Variants in CTSS observed in about 807,000 individuals in gnomAD.
CTSS encodes the protein cathepsin S.
In CTSS, 15 loss-of-function variants were observed where a neutral mutation model predicts 39.9. That is an observed-to-expected ratio of 0.38 (90% confidence interval 0.25 to 0.58). The LOEUF (loss-of-function observed/expected upper bound fraction) is 0.58. Ranked by LOEUF, CTSS falls within the 20% of genes least tolerant of loss-of-function variation. The pLI is 0.70. For missense variants in CTSS, 250 were observed against 398.2 expected, an observed-to-expected ratio of 0.63 and a Z score of 3.17; for synonymous variants, 126 against 138.2, an observed-to-expected ratio of 0.91 and a Z score of 0.62.
chr1:150,752,397 C>T (rs1653026220), intron 4 of CTSS, among the ~76,000 whole-genome samples: 1 of 152,174 alleles, frequency 6.6e-6, no homozygotes, highest in Non-Finnish European at 1.5e-5. Flanking sequence ...AATACCCTTT[C>T]TCCTGTCATA....
chr1:150,756,765 G>A (rs1653139455), intron 3 of CTSS, among the ~76,000 whole-genome samples: 1 of 141,470 alleles, frequency 7.1e-6, no homozygotes, highest in Admixed American at 7.6e-5. Context: ...TGCCCAGGCT[G>A]GAGTGCAATG....
Position 150,754,932 on chromosome 1 carries a change from T to C in CTSS, c.399+69A>G. On this transcript the variant is annotated intron_variant, in intron 4 of 7. Transcript: ENST00000368985. The stretch of plus-strand genomic sequence containing the variant: ...TGGGACTGTAAGATTCACTGTCAAA[T>C]TCTGTAGCTAGACTAAGCATTTAAA... The C allele has an allele frequency of 2.7e-6, 4 of 1,494,238 alleles. No individual in the cohort carries two copies. The Admixed American group carries it at 8.4e-5, about 31-fold the overall frequency. The allele number at this position is 1,494,238 out of a possible 1,614,324, so 92.6% of individuals were successfully genotyped here.
At chr1:150,755,285 C>T (rs930362725) in intron 3 of CTSS, 135 bp from the exon 4 acceptor site, 4 of 921,696 alleles carry the variant, frequency 4.3e-6, no homozygotes, top group Admixed American at 4.4e-5. Context: ...TTGGCTCCTA[C>T]ATACCTAGGC....
chr1:150,757,820 C>A, intron 3 of CTSS, 38 bp downstream of exon 3: 2 of 1,599,710 alleles, frequency 1.3e-6, no homozygotes, highest in Non-Finnish European at 1.7e-6. Flanking sequence ...ATGATATTTA[C>A]CCAGACGTGA....
In CTSS at chr1:150,730,879, A is replaced by C. The variant is rs587594366; in HGVS notation, c.*2167T>G. 9 of 131,392 alleles carry C rather than the reference A, an allele frequency of 6.8e-5. No homozygotes were observed. The highest frequency in any genetic ancestry group is 2.3e-4 in the African/African-American group (9 of 38,704). The allele number at this position is 131,392 out of a possible 1,614,324, so 8.1% of individuals were successfully genotyped here. On this transcript the variant is annotated 3_prime_UTR_variant, in exon 8 of 8. Coordinates refer to ENST00000368985, the MANE Select transcript of CTSS (RefSeq NM_004079.5). ...TTAATGCATTTATAAAGAAGCATGCATATTAATATATAACAAACTTATCTT... is the reference window on the plus strand; with the variant it reads ...TTAATGCATTTATAAAGAAGCATGCCTATTAATATATAACAAACTTATCTT...
At chr1:150,733,206 T>G in intron 7 of CTSS, 61 bp from the exon 8 acceptor site, 2 of 1,270,566 alleles carry the variant, frequency 1.6e-6, no homozygotes, top group South Asian at 2.5e-5. Context: ...GTTATCAACT[T>G]TTTATCTCAT....
At chr1:150,749,937 C>T (rs1371169729) in intron 6 of CTSS, 69 bp downstream of exon 6, 3 of 1,357,594 alleles carry the variant, frequency 2.2e-6, no homozygotes, top group Non-Finnish European at 3.0e-6. Flanking sequence ...CAGGCATGAA[C>T]CACCGTGCTC....
chr1:150,760,357 A>G (rs2101926541), intron 2 of CTSS, among the ~76,000 whole-genome samples: 1 of 152,336 alleles, frequency 6.6e-6, no homozygotes, highest in East Asian at 1.9e-4. Flanking sequence ...AATGTTCCTC[A>G]ACACAAATAG....
chr1:150,747,946 G>T, intron 6 of CTSS, 67 bp from the exon 7 acceptor site: 1 of 1,071,026 alleles, frequency 9.3e-7, no homozygotes, highest in Non-Finnish European at 1.4e-6. Flanking sequence ...ATTTTAAAAC[G>T]GTATTACTTT....
rs587711364 is a variant in CTSS, at chr1:150,743,019, C to T, written c.896+4758G>A. Among the ~76,000 whole-genome samples the T allele has an allele frequency of 3.3e-5, 5 of 152,062 alleles. No individual in the cohort carries two copies. In the East Asian group the frequency reaches 9.6e-4, roughly 29 times the overall value. ...CAAGGAAGTGTGTCACTTAGGAGGT[C>T]ATTTTCAGAGATTATGAACTGGGGA... On this transcript the variant is annotated intron_variant, in intron 7 of 7. Coordinates refer to ENST00000368985, the MANE Select transcript of CTSS (RefSeq NM_004079.5).
intron 7 of CTSS, 30 bp downstream of exon 7, chr1:150,747,747 C>T: frequency 1.4e-6 from 2 of 1,437,248 alleles, no homozygotes; most frequent in Non-Finnish European, 2.0e-6. Context: ...ATTCCTGATT[C>T]CAATTAAATA....
At chr1:150,761,698 C>A (rs959387437) in intron 2 of CTSS, among the ~76,000 whole-genome samples, 1 of 151,530 alleles carries the variant, frequency 6.6e-6, no homozygotes, top group Non-Finnish European at 1.5e-5. Flanking sequence ...GCCACTGCAC[C>A]CCAGCCTGGG....
chr1:150,765,590 T>C (rs972165207), intron 1 of CTSS, 108 bp downstream of exon 1: 1 of 152,222 alleles, frequency 6.6e-6, no homozygotes, highest in East Asian at 1.9e-4. Context: ...GACACGATTT[T>C]TTAGTTTACT....
At position 150,765,764 on chromosome 1, in the gene CTSS, C is replaced by T. The variant is rs1653361723; in HGVS notation, c.-68G>A. The T allele has an allele frequency of 6.6e-6, 1 of 152,172 alleles. No individual in the cohort carries two copies. The allele number at this position is 152,172 out of a possible 1,614,324, so 9.4% of individuals were successfully genotyped here. ...ATTAGTGGGCTCTCTTCTAAGATTT[C>T]AAAGCAACAAGGAGATTTCAGTTCA... On this transcript the variant is annotated 5_prime_UTR_variant, in exon 1 of 8. Transcript: ENST00000368985.
chr1:150,730,910 A>C lies in CTSS; in HGVS notation c.*2136T>G, dbSNP rs1269151779. 1.3e-5 allele frequency: 2 copies of C among 151,946 alleles called. No homozygotes were observed. The highest frequency in any genetic ancestry group is 2.9e-5 in the Non-Finnish European group (2 of 68,030). 9.4% of individuals were successfully genotyped at this position (151,946 alleles called of 1,614,324 possible). On this transcript the variant is annotated 3_prime_UTR_variant, in exon 8 of 8. Transcript: ENST00000368985. Reference sequence around the variant, plus strand: ...ATATATAACAAACTTATCTTTTAACATTTTAATAACTGTATTTCGATATAA... The same window carrying C: ...ATATATAACAAACTTATCTTTTAACCTTTTAATAACTGTATTTCGATATAA...
rs375763218 is a variant in CTSS at position 150,750,186 on chromosome 1, A to G, written c.628-15T>C. The stretch of plus-strand genomic sequence containing the variant: ...CATTTCTGATCCTGCAAAAAGAAGT[A>G]TAAATATGATGAAGTATACTTCAAC... On this transcript the variant is annotated splice_polypyrimidine_tract_variant and intron_variant, in intron 5 of 7. Transcript: ENST00000368985. The G allele has an allele frequency of 6.9e-6, 11 of 1,595,334 alleles. No individual in the cohort carries two copies. The African/African-American group carries it at 1.2e-4, about 18-fold the overall frequency.
intron 5 of CTSS, 150 bp downstream of exon 5, chr1:150,751,631 A>G (rs1187156544): frequency 3.1e-6 from 2 of 652,302 alleles, no homozygotes; most frequent in Non-Finnish European, 5.4e-6. Context: ...CAGAAACAGA[A>G]CTCTTGAGAA....
intron 5 of CTSS, among the ~76,000 whole-genome samples, chr1:150,751,240 T>G (rs950956160): frequency 6.6e-6 from 1 of 152,112 alleles, no homozygotes; most frequent in Non-Finnish European, 1.5e-5. Context: ...ATTTTAAGGA[T>G]AGTTTGCTTA....
chr1:150,755,029 T>C lies in CTSS; in HGVS notation c.371A>G (p.Lys124Arg), dbSNP rs769696707. ...ATATTTCACTTCAGTAACACACCCTTTCTCTCTCCAGTCCACAGAATCAGG... is the reference window on the plus strand; with the variant it reads ...ATATTTCACTTCAGTAACACACCCTCTCTCTCTCCAGTCCACAGAATCAGG... ...ILPDSVDWRE[K>R]GCVTEVKYQG... The change falls in exon 4 of 8, where the codon AAA becomes AGA. Residue 124 changes from lysine to arginine, a missense_variant. Physicochemically the swap from Lys to Arg is conservative, Grantham distance 26. Coordinates refer to ENST00000368985, the MANE Select transcript of CTSS (RefSeq NM_004079.5). 2 of 1,614,096 alleles carry C rather than the reference T, an allele frequency of 1.2e-6. No homozygotes were observed. Among genetic ancestry groups the C allele is most frequent in the Admixed American group, 3.3e-5 (2 of 60,022 alleles).
Sources: gnomAD v4.1 joint callset for allele counts (sites outside exome capture counted in the v4.1 genomes callset) on GRCh38, gnomAD v4.1.1 for gene constraint, MANE v1.5 for transcripts, NCBI Gene and HGNC (gene_info 2026-07-23, HGNC 2026-07-21) for gene names.